GPD2: variants seen among roughly 807,000 people sequenced by gnomAD.
The protein encoded by GPD2 is glycerol-3-phosphate dehydrogenase 2, also known as glycerol-3-phosphate dehydrogenase, mitochondrial.
Under a neutral mutation model 82.4 loss-of-function variants are expected in GPD2, and 54 were observed. The observed-to-expected ratio is 0.66, with a 90% CI of 0.53 to 0.82. The LOEUF is 0.82. Ranked by LOEUF, GPD2 falls within the 40% of genes least tolerant of loss-of-function variation. The pLI, the probability that GPD2 is intolerant of heterozygous loss-of-function variation, is 0.00. For synonymous variants in GPD2, 288 were observed against 306.1 expected, an observed-to-expected ratio of 0.94 and a Z score of 0.62; for missense variants, 748 against 896.2, an observed-to-expected ratio of 0.83 and a Z score of 2.11.
chr2:156,442,245 G>T (rs1682201226), intron 1 of GPD2, among the ~76,000 whole-genome samples: 1 of 152,172 alleles, frequency 6.6e-6, no homozygotes, highest in African/African-American at 2.4e-5. Flanking sequence ...TAACCTCTGA[G>T]TATTACTTGG....
chr2:156,437,058 G>C (rs950790571), intron 1 of GPD2, among the ~76,000 whole-genome samples: 1 of 152,182 alleles, frequency 6.6e-6, no homozygotes, highest in African/African-American at 2.4e-5. Flanking sequence ...CTTAGCAGAT[G>C]GTCTCTAGTC....
chr2:156,551,904 C>A (rs1414934250), intron 8 of GPD2, among the ~76,000 whole-genome samples: 1 of 152,020 alleles, frequency 6.6e-6, no homozygotes, highest in Non-Finnish European at 1.5e-5. Context: ...TATTTCTTTC[C>A]ATGTTTTAAT....
intron 9 of GPD2, among the ~76,000 whole-genome samples, chr2:156,560,411 TTAATATC>T: frequency 6.6e-6 from 1 of 152,300 alleles, no homozygotes; most frequent in East Asian, 1.9e-4. Context: ...GTGTTTGAAA[TTAATATC>T]TAAACATTGC....
intron 1 of GPD2, among the ~76,000 whole-genome samples, chr2:156,467,454 T>C (rs574305080): frequency 6.6e-6 from 1 of 152,362 alleles, no homozygotes; most frequent in South Asian, 2.1e-4. Context: ...ATAATGCTTT[T>C]CTCAGTGACT....
chr2:156,409,750 G>A, the GPD2 span, among the ~76,000 whole-genome samples: 2 of 152,130 alleles, frequency 1.3e-5, no homozygotes. Flanking sequence ...ATTCAGCATA[G>A]TTAGGAGAGA....
chr2:156,554,166 CT>C (rs747669688), intron 8 of GPD2, among the ~76,000 whole-genome samples: 7 of 152,346 alleles, frequency 4.6e-5, no homozygotes, highest in Admixed American at 6.5e-5. Flanking sequence ...TGGTTTTCCT[CT>C]TCCTATCAAG....
chr2:156,403,234 A>G, the GPD2 span, among the ~76,000 whole-genome samples: 1 of 151,846 alleles, frequency 6.6e-6, no homozygotes, highest in East Asian at 1.9e-4. Context: ...AGTCCATTCT[A>G]GTTTACCTAG....
intron 6 of GPD2, among the ~76,000 whole-genome samples, chr2:156,513,807 G>C (rs1237268290): frequency 6.6e-6 from 1 of 152,046 alleles, no homozygotes; most frequent in Non-Finnish European, 1.5e-5. Flanking sequence ...CATGTAATTT[G>C]TTATGTGTTT....
intron 3 of GPD2, among the ~76,000 whole-genome samples, chr2:156,510,368 T>C (rs909342554): frequency 1.3e-5 from 2 of 152,192 alleles, no homozygotes; most frequent in African/African-American, 2.4e-5. Flanking sequence ...TCATGATGCA[T>C]GCATTAGAGT....
chr2:156,438,961 T>C (rs542812704), intron 1 of GPD2, among the ~76,000 whole-genome samples: 1 of 152,334 alleles, frequency 6.6e-6, no homozygotes, highest in Admixed American at 6.5e-5. Flanking sequence ...TAATATTGGC[T>C]CAAGTAGTTG....
At chr2:156,435,464 G>C (rs533751274), upstream of GPD2, 1 of 152,160 alleles carries the variant, frequency 6.6e-6, no homozygotes, top group African/African-American at 2.4e-5. Context: ...GGTGGCGGGG[G>C]GTTGCAAGTG....
At chr2:156,578,504 AATT>A (rs1465451139) in intron 13 of GPD2, among the ~76,000 whole-genome samples, 3 of 152,218 alleles carry the variant, frequency 2.0e-5, no homozygotes, top group African/African-American at 2.4e-5. Context: ...TGAATCTCAG[AATT>A]ATTATCCTTT....
At chr2:156,438,149 CAAT>C (rs1426774980) in intron 1 of GPD2, among the ~76,000 whole-genome samples, 1 of 152,174 alleles carries the variant, frequency 6.6e-6, no homozygotes, top group Non-Finnish European at 1.5e-5. Flanking sequence ...AATACACCCT[CAAT>C]AAATGTTTTC....
At chr2:156,406,028 G>C in the GPD2 span, among the ~76,000 whole-genome samples, 1 of 150,932 alleles carries the variant, frequency 6.6e-6, no homozygotes, top group African/African-American at 2.4e-5. Context: ...ATAATACAAA[G>C]TCACCAAAGC....
intron 8 of GPD2, among the ~76,000 whole-genome samples, chr2:156,553,192 A>C (rs1030480024): frequency 2.0e-5 from 3 of 151,926 alleles, no homozygotes; most frequent in African/African-American, 7.3e-5. Flanking sequence ...CCGGCCCCTT[A>C]TGTACTGATA....
chr2:156,465,609 C>T, intron 1 of GPD2, among the ~76,000 whole-genome samples: 1 of 152,182 alleles, frequency 6.6e-6, no homozygotes, highest in East Asian at 1.9e-4. Context: ...GTCCTCCTGC[C>T]TGGGTTTCTC....
intron 6 of GPD2, among the ~76,000 whole-genome samples, chr2:156,519,211 G>T (rs4664823): frequency 0.29 from 42,321 of 145,884 alleles, 6,318 homozygotes; most frequent in East Asian, 0.58. Context: ...TAATTTTTTT[G>T]GGGGGGGGCC....
chr2:156,521,656 A>C (rs1206290256), intron 6 of GPD2, among the ~76,000 whole-genome samples: 1 of 152,222 alleles, frequency 6.6e-6, no homozygotes, highest in Non-Finnish European at 1.5e-5. Context: ...CTTGCCAAAC[A>C]TTCTTAGGAT....
At chr2:156,486,995 C>G (rs1018986349) in intron 2 of GPD2, among the ~76,000 whole-genome samples, 2 of 152,072 alleles carry the variant, frequency 1.3e-5, no homozygotes, top group African/African-American at 2.4e-5. Flanking sequence ...CTTCCAGATG[C>G]TTTAGGGAGT....
Sources: allele counts gnomAD v4.1 joint callset (sites outside exome capture counted in the v4.1 genomes callset), GRCh38; gene constraint gnomAD v4.1.1; transcripts MANE v1.5; gene names NCBI Gene and HGNC (gene_info 2026-07-23, HGNC 2026-07-21).